The following FOXN2 variants were observed in gnomAD, a reference collection of about 807,000 sequenced individuals.
FOXN2 encodes the protein forkhead box N2.
FOXN2 carries 19 observed loss-of-function variants against 41.2 expected under a neutral mutation model. The ratio of observed to expected loss-of-function variants is 0.46; its 90% confidence interval spans 0.32 to 0.68. The LOEUF (loss-of-function observed/expected upper bound fraction) is 0.68. Among genes scored for constraint, FOXN2 ranks in the 30% least tolerant of loss-of-function variants. The pLI, the probability that FOXN2 is intolerant of heterozygous loss-of-function variation, is 0.03. For synonymous variants in FOXN2, 195 were observed against 176.8 expected, an observed-to-expected ratio of 1.10 and a Z score of -0.82; for missense variants, 587 against 509.4, an observed-to-expected ratio of 1.15 and a Z score of -1.47.
At chr2:48,344,167 G>A (rs1670948240) in intron 2 of FOXN2, among the ~76,000 whole-genome samples, 1 of 152,128 alleles carries the variant, frequency 6.6e-6, no homozygotes, top group South Asian at 2.1e-4. Flanking sequence ...CACTTACATA[G>A]TACAGGATAT....
At chr2:48,332,502 A>G (rs1225549787) in intron 2 of FOXN2, among the ~76,000 whole-genome samples, 3 of 152,228 alleles carry the variant, frequency 2.0e-5, no homozygotes, top group African/African-American at 7.2e-5. Context: ...CACTCTTCCA[A>G]GAAGTCCTGA....
intron 1 of FOXN2, among the ~76,000 whole-genome samples, chr2:48,315,281 G>C (rs1668829729): frequency 6.6e-6 from 1 of 152,190 alleles, no homozygotes; most frequent in Admixed American, 6.5e-5. Flanking sequence ...AGTGGAGCGA[G>C]ACATGTCGGG....
intron 2 of FOXN2, among the ~76,000 whole-genome samples, chr2:48,342,884 C>T (rs1670866768): frequency 6.6e-6 from 1 of 152,126 alleles, no homozygotes; most frequent in South Asian, 2.1e-4. Context: ...CTTGGATTAA[C>T]ACTCTGTAAC....
intron 2 of FOXN2, among the ~76,000 whole-genome samples, chr2:48,344,353 A>G (rs1197322338): frequency 6.6e-6 from 1 of 152,204 alleles, no homozygotes; most frequent in Non-Finnish European, 1.5e-5. Context: ...TATGGAAAGA[A>G]TGCTGTTAAG....
At chr2:48,323,280 G>A (rs1307013030) in intron 1 of FOXN2, among the ~76,000 whole-genome samples, 1 of 152,078 alleles carries the variant, frequency 6.6e-6, no homozygotes, top group East Asian at 1.9e-4. Flanking sequence ...AAACGTCATG[G>A]TAGTTCTGAT....
At chr2:48,347,560 T>TGTGTGTG (rs1671192436) in intron 3 of FOXN2, among the ~76,000 whole-genome samples, 2 of 151,698 alleles carry the variant, frequency 1.3e-5, no homozygotes, top group African/African-American at 2.4e-5. Context: ...TGTGTGTGTG[T>TGTGTGTG]TTTATGCTTC....
At chr2:48,317,069 G>C (rs1271566389) in intron 1 of FOXN2, among the ~76,000 whole-genome samples, 1 of 152,058 alleles carries the variant, frequency 6.6e-6, no homozygotes, top group East Asian at 1.9e-4. Context: ...AGTAAATGAG[G>C]TCATAAAATA....
chr2:48,361,664 A>C (rs1299112755), intron 4 of FOXN2, among the ~76,000 whole-genome samples: 1 of 152,206 alleles, frequency 6.6e-6, no homozygotes, highest in African/African-American at 2.4e-5. Context: ...AGTATATGTA[A>C]AACTATGAAT....
intron 5 of FOXN2, among the ~76,000 whole-genome samples, chr2:48,363,476 T>A (rs1290878885): frequency 2.0e-5 from 3 of 152,230 alleles, no homozygotes. Flanking sequence ...AGCCTAAGTG[T>A]ACACTGTTTA....
intron 1 of FOXN2, among the ~76,000 whole-genome samples, chr2:48,321,838 A>T (rs757481452): frequency 6.6e-6 from 1 of 152,224 alleles, no homozygotes; most frequent in Non-Finnish European, 1.5e-5. Flanking sequence ...GTGGGTCTCT[A>T]TGAAAAAAAT....
intron 4 of FOXN2, among the ~76,000 whole-genome samples, chr2:48,359,584 A>G (rs542141056): frequency 2.0e-5 from 3 of 150,526 alleles, no homozygotes; most frequent in Admixed American, 6.6e-5. Flanking sequence ...GTGAGCCACC[A>G]TCCTCGGCCT....
rs1338642428 is a variant in FOXN2, at chr2:48,358,940, T to C, written c.538-107T>C. The C allele has an allele frequency of 5.1e-6, 4 of 789,870 alleles. No homozygotes were observed. In the African/African-American group the frequency reaches 7.0e-5, roughly 14 times the overall value. 48.9% of individuals were successfully genotyped at this position (789,870 alleles called of 1,614,324 possible). ...GCTCACTTCAACCTTAGTTTCATAC[T>C]CAAAAGGTGCTAGAGATTATTTACC... On this transcript the variant is annotated intron_variant, in intron 3 of 6. Coordinates refer to ENST00000340553, the MANE Select transcript of FOXN2 (RefSeq NM_002158.4).
intron 3 of FOXN2, among the ~76,000 whole-genome samples, chr2:48,358,262 G>A (rs531952441): frequency 1.7e-4 from 25 of 151,374 alleles, no homozygotes; most frequent in Admixed American, 1.2e-3. Context: ...CAACCCTTAC[G>A]TACGTCAGTT....
chr2:48,319,189 G>A lies in FOXN2; in HGVS notation c.-157+4375G>A, dbSNP rs10208042. Among the ~76,000 whole-genome samples the A allele has an allele frequency of 7.6e-3, 1,147 of 150,796 alleles. 21 individuals carry two copies. The highest frequency in any genetic ancestry group is 0.027 in the African/African-American group (1,091 of 41,078). Reference sequence around the variant, plus strand: ...TTCTGAGAAGTGCTTTGAAAGGTGTGTTGGAGAAAATACATGGGGAAAATA... The same window carrying A: ...TTCTGAGAAGTGCTTTGAAAGGTGTATTGGAGAAAATACATGGGGAAAATA... On this transcript the variant is annotated intron_variant, in intron 1 of 6. Transcript: ENST00000340553.
upstream of FOXN2, among the ~76,000 whole-genome samples, chr2:48,313,855 A>G (rs546918182): frequency 2.0e-5 from 3 of 152,298 alleles, no homozygotes; most frequent in East Asian, 3.9e-4. Context: ...GGATATTCTT[A>G]TATTTTTAAA....
rs1673386846 is a variant in FOXN2, at chr2:48,378,591, C to T, written c.*3148C>T. 1 of 152,260 alleles carries T rather than the reference C, an allele frequency of 6.6e-6. No individual in the cohort carries two copies. The highest frequency in any genetic ancestry group is 1.5e-5 in the Non-Finnish European group (1 of 67,918). The allele number at this position is 152,260 out of a possible 1,614,324, so 9.4% of individuals were successfully genotyped here. A position where few individuals can be genotyped will look rare whatever the true frequency, so the allele number is the denominator to read the frequency against. On this transcript the variant is annotated 3_prime_UTR_variant, in exon 7 of 7. Coordinates refer to ENST00000340553, the MANE Select transcript of FOXN2 (RefSeq NM_002158.4). Reference sequence around the variant, plus strand: ...GCTGTAAAGACCATTGTCTTAAATACTACAACAACTTAACACCCTTTTGTG... The same window carrying T: ...GCTGTAAAGACCATTGTCTTAAATATTACAACAACTTAACACCCTTTTGTG...
rs374910444 is a variant in FOXN2 at position 48,370,014 on chromosome 2, GA to G, written c.704-3267del. Among the ~76,000 whole-genome samples, 294 of 141,040 alleles carry G rather than the reference GA, an allele frequency of 2.1e-3. 2 individuals are homozygous for G. The highest frequency in any genetic ancestry group is 6.4e-3 in the African/African-American group (248 of 38,746). The allele number at this position is 141,040 out of a possible 152,430, so 92.5% of individuals were successfully genotyped here. A position where few individuals can be genotyped will look rare whatever the true frequency, so the allele number is the denominator to read the frequency against. On this transcript the variant is annotated intron_variant, in intron 5 of 6. Coordinates refer to ENST00000340553, the MANE Select transcript of FOXN2 (RefSeq NM_002158.4). ...GACCTTGTATCTCAAAAAAAGAAAA[GA>G]AAAAAAAAAAGAAAAATTAGTTTAT... is the stretch of plus-strand genomic sequence containing the variant.
chr2:48,336,408 C>CA (rs375315237), intron 2 of FOXN2, among the ~76,000 whole-genome samples: 1,212 of 118,030 alleles, frequency 0.01, 25 homozygotes, highest in African/African-American at 0.033. Flanking sequence ...CCTCAGTTTC[C>CA]AAAAAAAAAA....
chr2:48,328,496 G>T (rs1669825789), intron 1 of FOXN2, 65 bp from the exon 2 acceptor site: 1 of 152,166 alleles, frequency 6.6e-6, no homozygotes, highest in Admixed American at 6.5e-5. Flanking sequence ...AAGAAAAAAA[G>T]TCTATATCTG....
Sources: allele counts gnomAD v4.1 joint callset (sites outside exome capture counted in the v4.1 genomes callset), GRCh38; gene constraint gnomAD v4.1.1; transcripts MANE v1.5; gene names NCBI Gene and HGNC (gene_info 2026-07-23, HGNC 2026-07-21).